The following COL4A5 variants were observed in gnomAD, a reference collection of about 807,000 sequenced individuals.
COL4A5 encodes collagen type IV alpha 5 chain.
COL4A5 carries 26 observed loss-of-function variants against 130.2 expected under a neutral mutation model. That is an observed-to-expected ratio of 0.20 (90% CI 0.15 to 0.28). The LOEUF (loss-of-function observed/expected upper bound fraction) is 0.28, where lower values mean the gene tolerates loss of function less well. Ranked by LOEUF, COL4A5 falls within the 10% of genes least tolerant of loss-of-function variation. COL4A5 has a pLI of 1.00. For missense variants in COL4A5, 1,131 were observed against 1,344.3 expected, an observed-to-expected ratio of 0.84 and a Z score of 2.48; for synonymous variants, 496 against 439.6, an observed-to-expected ratio of 1.13 and a Z score of -1.60.
intron 36 of COL4A5, among the ~76,000 whole-genome samples, chrX:108,652,150 AG>A (rs1174694990): frequency 1.8e-5 from 2 of 111,944 alleles, no homozygotes; most frequent in African/African-American, 6.5e-5. Context: ...GGATATGTGT[AG>A]TACTTTGATT....
At chrX:108,562,800 GT>G (rs2065915139) in intron 3 of COL4A5, among the ~76,000 whole-genome samples, 1 of 111,186 alleles carries the variant, frequency 9.0e-6, no homozygotes, top group Non-Finnish European at 1.9e-5. Context: ...TTTTCCAAAG[GT>G]TTTTTATTCT....
intron 1 of COL4A5, among the ~76,000 whole-genome samples, chrX:108,470,215 A>G (rs1382959628): frequency 8.9e-6 from 1 of 112,547 alleles, no homozygotes; most frequent in Middle Eastern, 4.2e-3. Context: ...AGAAATCTCC[A>G]AACTGCTTTT....
At chrX:108,475,290 AG>A (rs1414191638) in intron 1 of COL4A5, among the ~76,000 whole-genome samples, 1 of 110,769 alleles carries the variant, frequency 9.0e-6, no homozygotes, top group Non-Finnish European at 1.9e-5. Context: ...TATTTCTTGT[AG>A]TAGTAGTAGT....
chrX:108,582,912 G>C lies in COL4A5; in HGVS notation c.965G>C (p.Gly322Ala). 8.3e-7 allele frequency: 1 copy of C among 1,206,873 alleles called. No individual in the cohort carries two copies. Among genetic ancestry groups the C allele is most frequent in the Non-Finnish European group, 1.1e-6 (1 of 891,363 alleles). Reference protein sequence around the residue: ...PGLPGDPGYPGEPGRDGEKGQ... With the variant: ...PGLPGDPGYPAEPGRDGEKGQ... Reference sequence around the variant, plus strand: ...TTGCCTGGTGATCCTGGTTACCCTGGTGAACCCGGAAGGGATGGTGAAAAG... The same window carrying C: ...TTGCCTGGTGATCCTGGTTACCCTGCTGAACCCGGAAGGGATGGTGAAAAG... The change falls in exon 17 of 53, where the codon GGT becomes GCT. Residue 322 changes from glycine to alanine, a missense_variant. By Grantham distance (60) the Gly-to-Ala change is moderately conservative. Transcript: ENST00000328300.
intron 1 of COL4A5, among the ~76,000 whole-genome samples, chrX:108,446,955 A>G (rs774948414): frequency 1.8e-5 from 2 of 111,071 alleles, no homozygotes; most frequent in East Asian, 2.8e-4. Flanking sequence ...ATATCCTCCT[A>G]CTTTTCTCCC....
chrX:108,526,761 T>C (rs980358627), intron 1 of COL4A5, among the ~76,000 whole-genome samples: 1 of 99,822 alleles, frequency 1.0e-5, no homozygotes, highest in African/African-American at 3.7e-5. Context: ...TTTTCTTTTC[T>C]TTTCCTTTCC....
At chrX:108,676,232 A>G (rs758829532) in intron 43 of COL4A5, among the ~76,000 whole-genome samples, 1 of 112,574 alleles carries the variant, frequency 8.9e-6, no homozygotes, top group South Asian at 3.7e-4. Flanking sequence ...ATCCCTACAT[A>G]TCTTCATTTT....
At chrX:108,620,187 A>C in intron 30 of COL4A5, 72 bp from the exon 31 acceptor site, 1 of 929,642 alleles carries the variant, frequency 1.1e-6, no homozygotes. Flanking sequence ...TCACTTGTTT[A>C]CTAGAAATAT....
chrX:108,541,070 G>T (rs1364882271), intron 2 of COL4A5, among the ~76,000 whole-genome samples: 1 of 111,873 alleles, frequency 8.9e-6, no homozygotes, highest in Non-Finnish European at 1.9e-5. Flanking sequence ...TAGCATATTA[G>T]ACATTCTTAA....
Position 108,539,906 on chromosome X carries a change from G to GT in COL4A5, c.141+102dup, listed in dbSNP as rs1433208363. ...ACAGAGCTTCTATCTCAGTACTTAAGTAAGTGAAATGAATCCTATTGCATT... is the reference window on the plus strand; with the variant it reads ...ACAGAGCTTCTATCTCAGTACTTAAGTTAAGTGAAATGAATCCTATTGCATT... On this transcript the variant is annotated intron_variant, in intron 2 of 52. Transcript: ENST00000328300. The GT allele has an allele frequency of 4.6e-6, 3 of 654,350 alleles. No individual in the cohort carries two copies. The Admixed American group carries it at 7.3e-5, about 16-fold the overall frequency. 53.9% of individuals were successfully genotyped at this position (654,350 alleles called of 1,213,427 possible).
intron 24 of COL4A5, 146 bp from the exon 25 acceptor site, chrX:108,598,556 C>A: frequency 1.8e-6 from 1 of 547,665 alleles, no homozygotes; most frequent in South Asian, 3.3e-5. Context: ...GGAATGATCA[C>A]ACATACCATC....
In COL4A5 at chrX:108,584,344, A is replaced by G. The variant is rs571788046; in HGVS notation, c.991-140A>G. 275 of 530,874 alleles carry G rather than the reference A, an allele frequency of 5.2e-4. No individual in the cohort carries two copies. In the South Asian group the frequency reaches 7.9e-3, roughly 15 times the overall value. The allele number at this position is 530,874 out of a possible 1,213,427, so 43.7% of individuals were successfully genotyped here. ...GTTAGGCTTAGCTCAGAATTGTTTC[A>G]TTACTTCATGTTGCATTTCTCATTT... On this transcript the variant is annotated intron_variant, in intron 17 of 52. Coordinates refer to ENST00000328300, the MANE Select transcript of COL4A5 (RefSeq NM_033380.3).
At chrX:108,618,996 C>A (rs1247502059) in intron 30 of COL4A5, among the ~76,000 whole-genome samples, 2 of 111,245 alleles carry the variant, frequency 1.8e-5, no homozygotes, top group African/African-American at 6.5e-5. Flanking sequence ...TATTAAAAAT[C>A]TTTGTGAGCT....
intron 1 of COL4A5, among the ~76,000 whole-genome samples, chrX:108,526,662 TC>T (rs1569481204): frequency 2.4e-3 from 119 of 48,942 alleles, no homozygotes; most frequent in African/African-American, 8.1e-3. Flanking sequence ...CTTTCTTTCT[TC>T]TTTCTTTCTC....
chrX:108,695,617 T>A, intron 52 of COL4A5, 178 bp downstream of exon 52: 1 of 485,155 alleles, frequency 2.1e-6, no homozygotes. Context: ...CAGACTTGAT[T>A]ATTAATATTA....
At chrX:108,566,881 A>G (rs1163244153) in intron 4 of COL4A5, among the ~76,000 whole-genome samples, 1 of 111,751 alleles carries the variant, frequency 8.9e-6, no homozygotes, top group Non-Finnish European at 1.9e-5. Context: ...ATGTATTTTT[A>G]AGAGAAAAAT....
At chrX:108,463,958 G>A (rs780309005) in intron 1 of COL4A5, among the ~76,000 whole-genome samples, 1 of 111,806 alleles carries the variant, frequency 8.9e-6, no homozygotes, top group African/African-American at 3.2e-5. Flanking sequence ...TAGCTCTAAC[G>A]TTACTATGGC....
rs747193855 is a variant in COL4A5, at chrX:108,542,596, G to T, written c.141+2791G>T. 4.6e-5 allele frequency among the ~76,000 whole-genome samples: 5 copies of T among 109,506 alleles called. No homozygotes were observed. The South Asian group carries it at 1.1e-3, about 25-fold the overall frequency. On this transcript the variant is annotated intron_variant, in intron 2 of 52. Coordinates refer to ENST00000328300, the MANE Select transcript of COL4A5 (RefSeq NM_033380.3). ...TGTGCATGTGTCTTTATAGCAGCAT[G>T]ATTTATAATCCTTTGGGTATATACC...
chrX:108,639,644 G>T (rs1480067670), intron 36 of COL4A5, among the ~76,000 whole-genome samples: 1 of 111,605 alleles, frequency 9.0e-6, no homozygotes, highest in African/African-American at 3.3e-5. Context: ...TCTGGTAAAA[G>T]ATTAATTTCC....
Sources: gnomAD v4.1 joint callset for allele counts (sites outside exome capture counted in the v4.1 genomes callset) on GRCh38, gnomAD v4.1.1 for gene constraint, MANE v1.5 for transcripts, NCBI Gene and HGNC (gene_info 2026-07-23, HGNC 2026-07-21) for gene names.